PPIL2: variants seen among roughly 807,000 people sequenced by gnomAD.
The protein encoded by PPIL2 is peptidylprolyl isomerase like 2, also known as RING-type E3 ubiquitin-protein ligase PPIL2.
A neutral mutation model predicts 75.2 loss-of-function variants in PPIL2; 50 were observed. The observed-to-expected ratio is 0.66, with a 90% CI of 0.53 to 0.84. The LOEUF (loss-of-function observed/expected upper bound fraction) is 0.84, where lower values mean the gene tolerates loss of function less well. Ranked by LOEUF, PPIL2 falls within the 40% of genes least tolerant of loss-of-function variation. The pLI is 0.00. For missense variants in PPIL2, 590 were observed against 685.0 expected, an observed-to-expected ratio of 0.86 and a Z score of 1.55; for synonymous variants, 245 against 258.8, an observed-to-expected ratio of 0.95 and a Z score of 0.51.
At position 21,694,603 on chromosome 22, in the gene PPIL2, G is replaced by A; in HGVS notation, c.1207G>A (p.Gly403Ser). The A allele has an allele frequency of 1.3e-5, 21 of 1,614,116 alleles. No individual in the cohort carries two copies. The highest frequency in any genetic ancestry group is 1.7e-5 in the Non-Finnish European group (20 of 1,180,014). ...KHTIFGRVVG[G>S]FDVLTAMENV... ...GTCTCCCTGCTGCAGGGTTGTTGGG[G>A]GCTTTGACGTACTGACAGCCATGGA... is the stretch of plus-strand genomic sequence containing the variant. Residue 403 changes from glycine (G) to serine (S), a missense_variant, in exon 17 of 20, where the codon GGC (glycine) becomes AGC (serine). Transcript: ENST00000398831.
At chr22:21,688,898 C>G (rs370103153) in intron 15 of PPIL2, 49 bp downstream of exon 15, 39 of 1,526,446 alleles carry the variant, frequency 2.6e-5, no homozygotes, top group Middle Eastern at 1.7e-4. Context: ...AGCCGGCACT[C>G]TCTGCGGGTT....
intron 6 of PPIL2, among the ~76,000 whole-genome samples, chr22:21,675,346 G>A (rs2066795405): frequency 6.6e-6 from 1 of 152,174 alleles, no homozygotes. Flanking sequence ...GACCATCCTG[G>A]CCAACATGGT....
At chr22:21,666,285 G>A (rs1040206121) in intron 1 of PPIL2, among the ~76,000 whole-genome samples, 154 bp downstream of exon 1, 1 of 152,106 alleles carries the variant, frequency 6.6e-6, no homozygotes, top group East Asian at 1.9e-4. Flanking sequence ...TCTCCAGTCA[G>A]GGTAATGACC....
intron 4 of PPIL2, among the ~76,000 whole-genome samples, chr22:21,671,841 A>T (rs1201783224): frequency 6.6e-6 from 1 of 152,080 alleles, no homozygotes; most frequent in African/African-American, 2.4e-5. Context: ...TCTTGAACCC[A>T]GGAGTTTGAG....
intron 15 of PPIL2, among the ~76,000 whole-genome samples, chr22:21,689,180 T>G (rs1405151453): frequency 6.6e-6 from 1 of 152,158 alleles, no homozygotes; most frequent in Non-Finnish European, 1.5e-5. Context: ...GGAGGGGTTG[T>G]GCAGGGCACA....
At chr22:21,698,241 A>AGTGTT (rs2068013728), downstream of PPIL2, 1 of 145,878 alleles carries the variant, frequency 6.9e-6, no homozygotes, top group Non-Finnish European at 1.5e-5. Context: ...AAGTGATAAA[A>AGTGTT]GTGTTGTTGG....
In PPIL2 at chr22:21,678,893, A is replaced by ATT. The variant is rs10706275; in HGVS notation, c.296-2387_296-2386dup. On this transcript the variant is annotated intron_variant, in intron 6 of 19. Transcript: ENST00000398831. ...AGGCATGTACTACCATGCCCAGCCA[A>ATT]TTTTTTTTTTTTTTTTTTTTGAGAT... 7.4e-4 allele frequency among the ~76,000 whole-genome samples: 88 copies of ATT among 118,148 alleles called. 1 individual carries two copies. The highest frequency in any genetic ancestry group is 2.2e-3 in the African/African-American group (69 of 31,312). The allele number at this position is 118,148 out of a possible 152,430, so 77.5% of individuals were successfully genotyped here. A position where few individuals can be genotyped will look rare whatever the true frequency, so the allele number is the denominator to read the frequency against.
intron 1 of PPIL2, among the ~76,000 whole-genome samples, chr22:21,668,714 A>ATT (rs145174874): frequency 9.6e-4 from 126 of 130,838 alleles, no homozygotes; most frequent in African/African-American, 3.5e-3. Flanking sequence ...ATAAGATACC[A>ATT]TTTTTTTTTT....
Position 21,686,634 on chromosome 22 carries a change from C to T in PPIL2, c.790+76C>T, listed in dbSNP as rs913822891. Reference sequence around the variant, plus strand: ...GGGGGTGGGTGTGCTCCCCGACTCCCACTTTATTGGTCTGTCAGGGGCTCC... The same window carrying T: ...GGGGGTGGGTGTGCTCCCCGACTCCTACTTTATTGGTCTGTCAGGGGCTCC... On this transcript the variant is annotated intron_variant, in intron 11 of 19. Coordinates refer to ENST00000398831, the MANE Select transcript of PPIL2 (RefSeq NM_014337.4). 9.0e-6 allele frequency: 13 copies of T among 1,441,450 alleles called. No homozygotes were observed. The African/African-American group carries it at 1.3e-4, about 14-fold the overall frequency. The allele number at this position is 1,441,450 out of a possible 1,614,324, so 89.3% of individuals were successfully genotyped here.
rs1243586304 is a variant in PPIL2 at position 21,696,406 on chromosome 22, T to C, written c.*916T>C. On this transcript the variant is annotated 3_prime_UTR_variant, in exon 20 of 20. Transcript: ENST00000398831. ...CGCCCTCCTGCTGAAGTGGCCTTGCTGCTCTCAGGCCCGGCCACTGGGCTC... is the reference window on the plus strand; with the variant it reads ...CGCCCTCCTGCTGAAGTGGCCTTGCCGCTCTCAGGCCCGGCCACTGGGCTC... 2 of 1,165,590 alleles carry C rather than the reference T, an allele frequency of 1.7e-6. No homozygotes were observed. Among genetic ancestry groups the C allele is most frequent in the Non-Finnish European group, 2.1e-6 (2 of 935,428 alleles). The allele number at this position is 1,165,590 out of a possible 1,614,324, so 72.2% of individuals were successfully genotyped here.
At chr22:21,685,821 C>T in intron 10 of PPIL2, 1 of 358,064 alleles carries the variant, frequency 2.8e-6, no homozygotes, top group Admixed American at 3.9e-5. Flanking sequence ...TGGGGCTTTT[C>T]CCCGACCCCT....
chr22:21,681,286 G>A lies in PPIL2; in HGVS notation c.296-13G>A. 1 of 1,601,674 alleles carries A rather than the reference G, an allele frequency of 6.2e-7. No homozygotes were observed. The highest frequency in any genetic ancestry group is 8.6e-7 in the Non-Finnish European group (1 of 1,168,638). ...AGAGGTGACTGGCCTCCCTGTGTGT[G>A]CCTTCTCTCTAGGGAAGTACCACTG... On this transcript the variant is annotated splice_polypyrimidine_tract_variant and intron_variant, in intron 6 of 19. Transcript: ENST00000398831.
chr22:21,696,617 T>TGACA lies in PPIL2; in HGVS notation c.*1128_*1131dup. 13 of 1,493,686 alleles carry TGACA rather than the reference T, an allele frequency of 8.7e-6. No individual in the cohort carries two copies. Among genetic ancestry groups the TGACA allele is most frequent in the Middle Eastern group, 1.7e-4 (1 of 5,756 alleles). The allele number at this position is 1,493,686 out of a possible 1,614,324, so 92.5% of individuals were successfully genotyped here. On this transcript the variant is annotated 3_prime_UTR_variant, in exon 20 of 20. Coordinates refer to ENST00000398831, the MANE Select transcript of PPIL2 (RefSeq NM_014337.4). ...TCTCATGTCATGGACTCTCCTTGCC[T>TGACA]GACACTTGCCTCTTGGGCTCCCTGT...
intron 6 of PPIL2, among the ~76,000 whole-genome samples, chr22:21,678,004 G>A (rs2148521881): frequency 6.6e-6 from 1 of 152,306 alleles, no homozygotes; most frequent in East Asian, 1.9e-4. Flanking sequence ...AAGGGTGTCT[G>A]TGCCCAGCTG....
At chr22:21,699,016 C>T (rs1196076915), downstream of PPIL2, 2 of 152,456 alleles carry the variant, frequency 1.3e-5, no homozygotes, top group African/African-American at 2.4e-5. Context: ...GGATGCATCT[C>T]AGTGCCATGC....
intron 1 of PPIL2, among the ~76,000 whole-genome samples, chr22:21,666,460 C>G (rs1179736647): frequency 6.6e-6 from 1 of 152,184 alleles, no homozygotes; most frequent in Non-Finnish European, 1.5e-5. Flanking sequence ...CTTCACGTCT[C>G]GCTGTGTTCT....
chr22:21,698,009 A>G (rs1464568220), downstream of PPIL2: 1 of 152,314 alleles, frequency 6.6e-6, no homozygotes, highest in African/African-American at 2.4e-5. Context: ...ACATTCCTAC[A>G]GCAAATGCAC....
At chr22:21,679,242 A>G (rs1429406226) in intron 6 of PPIL2, among the ~76,000 whole-genome samples, 1 of 151,532 alleles carries the variant, frequency 6.6e-6, no homozygotes, top group Non-Finnish European at 1.5e-5. Context: ...AGGTTTCCCT[A>G]TGTCACCCAG....
At chr22:21,680,488 G>T (rs893205686) in intron 6 of PPIL2, among the ~76,000 whole-genome samples, 1 of 151,984 alleles carries the variant, frequency 6.6e-6, no homozygotes, top group East Asian at 1.9e-4. Flanking sequence ...CCGAGATCAC[G>T]CTACTGCACC....
Sources: allele counts gnomAD v4.1 joint callset (sites outside exome capture counted in the v4.1 genomes callset), GRCh38; gene constraint gnomAD v4.1.1; transcripts MANE v1.5; gene names NCBI Gene and HGNC (gene_info 2026-07-23, HGNC 2026-07-21).